The following SLC5A1 variants were observed in gnomAD, a reference collection of about 807,000 sequenced individuals.
The protein encoded by SLC5A1 is sodium/glucose cotransporter 1.
SLC5A1 carries 42 observed loss-of-function variants against 73.5 expected under a neutral mutation model. That is an observed-to-expected ratio of 0.57 (90% CI 0.45 to 0.74). SLC5A1 has a LOEUF of 0.74. SLC5A1 is among the 30% of genes least tolerant of loss of function. The pLI is 0.00. For missense variants in SLC5A1, 634 were observed against 855.4 expected, an observed-to-expected ratio of 0.74 and a Z score of 3.23; for synonymous variants, 300 against 317.4, an observed-to-expected ratio of 0.95 and a Z score of 0.58.
intron 2 of SLC5A1, among the ~76,000 whole-genome samples, chr22:32,060,199 ATT>A (rs200047863): frequency 8.0e-5 from 11 of 136,656 alleles, no homozygotes; most frequent in East Asian, 3.9e-4. Context: ...ATATATATAT[ATT>A]TTTTTAAGAG....
intron 2 of SLC5A1, among the ~76,000 whole-genome samples, chr22:32,060,266 A>G (rs529675901): frequency 6.6e-6 from 1 of 151,734 alleles, no homozygotes; most frequent in South Asian, 2.1e-4. Flanking sequence ...ATCTCGGCTC[A>G]CTGCAACCTC....
intron 7 of SLC5A1, 75 bp from the exon 8 acceptor site, chr22:32,084,364 A>T: frequency 7.5e-7 from 1 of 1,331,970 alleles, no homozygotes; most frequent in Non-Finnish European, 1.1e-6. Flanking sequence ...TCAGTTTCTC[A>T]GGCATCTATG....
Position 32,086,317 on chromosome 22 carries a change from C to T in SLC5A1, c.1119C>T (p.Leu373=). Residue 373 remains leucine, a synonymous_variant, in exon 10 of 15, where the codon CTC becomes CTT. Coordinates refer to ENST00000266088, the MANE Select transcript of SLC5A1 (RefSeq NM_000343.4). ...NIAYPTLVVE[L]MPNGLRGLML... ...CCTATCCAACCTTAGTGGTGGAGCTCATGCCCAATGGTGAGATTCTTTCTT... is the reference window on the plus strand; with the variant it reads ...CCTATCCAACCTTAGTGGTGGAGCTTATGCCCAATGGTGAGATTCTTTCTT... The T allele has an allele frequency of 6.2e-7, 1 of 1,608,870 alleles. No individual in the cohort carries two copies. The highest frequency in any genetic ancestry group is 8.5e-7 in the Non-Finnish European group (1 of 1,175,208).
At chr22:32,058,279 T>C (rs1011963109) in intron 2 of SLC5A1, among the ~76,000 whole-genome samples, 1 of 152,222 alleles carries the variant, frequency 6.6e-6, no homozygotes, top group African/African-American at 2.4e-5. Context: ...CCTAGCACTT[T>C]GGGAAGCCAA....
In SLC5A1 at chr22:32,111,570, G is replaced by A. The variant is rs974651842; in HGVS notation, c.*1357G>A. 4 of 152,164 alleles carry A rather than the reference G, an allele frequency of 2.6e-5. No homozygotes were observed. The highest frequency in any genetic ancestry group is 6.5e-5 in the Admixed American group (1 of 15,268). The allele number at this position is 152,164 out of a possible 1,614,324, so 9.4% of individuals were successfully genotyped here. A position where few individuals can be genotyped will look rare whatever the true frequency, so the allele number is the denominator to read the frequency against. On this transcript the variant is annotated 3_prime_UTR_variant, in exon 15 of 15. Transcript: ENST00000266088. ...AGAGTCTCCCGTGAAAAAGGTAAAC[G>A]GAAGCAGTTATTGTGCAGCAAAAGG...
At chr22:32,108,004 A>G (rs185898589) in intron 14 of SLC5A1, among the ~76,000 whole-genome samples, 1 of 152,310 alleles carries the variant, frequency 6.6e-6, no homozygotes, top group East Asian at 1.9e-4. Context: ...CATTTCAGCA[A>G]TGCATCATCC....
chr22:32,105,169 G>A (rs894834684), intron 14 of SLC5A1, among the ~76,000 whole-genome samples: 11 of 152,248 alleles, frequency 7.2e-5, no homozygotes, highest in South Asian at 6.2e-4. Context: ...TATGAGGTAC[G>A]TGAGATGTTC....
At position 32,083,173 on chromosome 22, in the gene SLC5A1, G is replaced by A. The variant is rs775033395; in HGVS notation, c.664+19G>A. 1 of 1,608,240 alleles carries A rather than the reference G, an allele frequency of 6.2e-7. No individual in the cohort carries two copies. On this transcript the variant is annotated intron_variant, in intron 7 of 14. Coordinates refer to ENST00000266088, the MANE Select transcript of SLC5A1 (RefSeq NM_000343.4). ...GGGTTTGGTAAGTGGGGCCAGGGCA[G>A]GCTGAGGAGGTGGGAGCAGAGGTAG... is the stretch of plus-strand genomic sequence containing the variant.
At position 32,067,000 on chromosome 22, in the gene SLC5A1, G is replaced by A. The variant is rs1569304550; in HGVS notation, c.273G>A (p.Gly91=). ...ACTTTGTGGGGCTGGCCGGGACTGG[G>A]GCAGCTTCAGGCATCGCCATTGGAG... The part of the protein sequence containing the change: ...SGHFVGLAGT[G]AASGIAIGGF... The change falls in exon 3 of 15, where the codon GGG becomes GGA. Residue 91 remains glycine (G), a synonymous_variant. Coordinates refer to ENST00000266088, the MANE Select transcript of SLC5A1 (RefSeq NM_000343.4). 6.2e-7 allele frequency: 1 copy of A among 1,613,642 alleles called. No individual in the cohort carries two copies. The highest frequency in any genetic ancestry group is 1.3e-5 in the African/African-American group (1 of 74,908).
intron 2 of SLC5A1, among the ~76,000 whole-genome samples, chr22:32,053,923 C>T (rs1197965241): frequency 6.6e-6 from 1 of 152,022 alleles, no homozygotes; most frequent in Non-Finnish European, 1.5e-5. Context: ...ACCAGTAATC[C>T]CAGCACTTTG....
intron 11 of SLC5A1, among the ~76,000 whole-genome samples, chr22:32,092,444 CT>C (rs573513690): frequency 4.6e-4 from 70 of 152,242 alleles, no homozygotes; most frequent in Non-Finnish European, 8.4e-4. Flanking sequence ...ATAACGACTT[CT>C]TTTCCTCTGG....
intron 11 of SLC5A1, among the ~76,000 whole-genome samples, chr22:32,095,450 C>T (rs1300654562): frequency 6.6e-6 from 1 of 152,058 alleles, no homozygotes; most frequent in Non-Finnish European, 1.5e-5. Context: ...TATTGAAGTC[C>T]TCCAGTATTA....
In SLC5A1 at chr22:32,043,317, G is replaced by A. The variant is rs148720069; in HGVS notation, c.36G>A (p.Ala12=). The A allele has an allele frequency of 8.9e-5, 144 of 1,614,080 alleles. 1 individual carries two copies. Among genetic ancestry groups the A allele is most frequent in the Admixed American group, 1.2e-4 (7 of 60,014 alleles). The part of the protein sequence containing the change: ...DSSTWSPKTT[A]VTRPVETHEL... Reference sequence around the variant, plus strand: ...GCACCTGGAGCCCCAAGACCACCGCGGTCACCCGGCCTGTTGAGACCCACG... The same window carrying A: ...GCACCTGGAGCCCCAAGACCACCGCAGTCACCCGGCCTGTTGAGACCCACG... The change falls in exon 1 of 15, where the codon GCG becomes GCA. Residue 12 remains alanine, a synonymous_variant. Transcript: ENST00000266088. The surrounding 1 kb of genome is among the most constrained non-coding windows in gnomAD (Gnocchi z 6.5).
At chr22:32,084,234 C>T (rs563816142) in intron 7 of SLC5A1, among the ~76,000 whole-genome samples, 9 of 152,364 alleles carry the variant, frequency 5.9e-5, no homozygotes, top group Admixed American at 5.2e-4. Flanking sequence ...ATAATAGCCC[C>T]CAAGGGGGCT....
In SLC5A1 at chr22:32,099,838, C is replaced by T. The variant is rs75750205; in HGVS notation, c.1449+487C>T. On this transcript the variant is annotated intron_variant, in intron 12 of 14. Coordinates refer to ENST00000266088, the MANE Select transcript of SLC5A1 (RefSeq NM_000343.4). ...TACCTCCAGTGCTCTACTGTGAACTCGGCTTTCCAGCCAGCACCTCTCAGG... is the reference window on the plus strand; with the variant it reads ...TACCTCCAGTGCTCTACTGTGAACTTGGCTTTCCAGCCAGCACCTCTCAGG... Among the ~76,000 whole-genome samples, 1,168 of 152,298 alleles carry T rather than the reference C, an allele frequency of 7.7e-3. 16 individuals are homozygous for T. Among genetic ancestry groups the T allele is most frequent in the African/African-American group, 0.026 (1,100 of 41,548 alleles).
intron 10 of SLC5A1, among the ~76,000 whole-genome samples, chr22:32,089,550 G>A (rs954670327): frequency 6.6e-6 from 1 of 152,134 alleles, no homozygotes; most frequent in Admixed American, 6.6e-5. Context: ...AGAGTTCAAG[G>A]GAACATGAGT....
Position 32,112,918 on chromosome 22 carries a change from A to G in SLC5A1, c.*2705A>G, listed in dbSNP as rs2094059949. 6.6e-6 allele frequency: 1 copy of G among 152,244 alleles called. No individual in the cohort carries two copies. The highest frequency in any genetic ancestry group is 6.5e-5 in the Admixed American group (1 of 15,286). The allele number at this position is 152,244 out of a possible 1,614,324, so 9.4% of individuals were successfully genotyped here. ...ATATGTGCAGTAATAGATGTTAATT[A>G]CCTTAATTTAGTCATTTCACAATAT... On this transcript the variant is annotated 3_prime_UTR_variant, in exon 15 of 15. Coordinates refer to ENST00000266088, the MANE Select transcript of SLC5A1 (RefSeq NM_000343.4).
At position 32,056,437 on chromosome 22, in the gene SLC5A1, C is replaced by CTTTT. The variant is rs35843263; in HGVS notation, c.207+6439_207+6442dup. Among the ~76,000 whole-genome samples the CTTTT allele has an allele frequency of 4.9e-3, 591 of 121,592 alleles. 18 individuals are homozygous for CTTTT. Among genetic ancestry groups the CTTTT allele is most frequent in the African/African-American group, 0.017 (553 of 32,942 alleles). 79.8% of individuals were successfully genotyped at this position (121,592 alleles called of 152,430 possible). A position where few individuals can be genotyped will look rare whatever the true frequency, so the allele number is the denominator to read the frequency against. The stretch of plus-strand genomic sequence containing the variant: ...AGGCAAACAATACATACCTTCCTGT[C>CTTTT]TTTTTTTTTTTTTTTTTTTAGCATA... On this transcript the variant is annotated intron_variant, in intron 2 of 14. Transcript: ENST00000266088.
At chr22:32,055,543 A>G (rs1018295146) in intron 2 of SLC5A1, among the ~76,000 whole-genome samples, 6 of 152,178 alleles carry the variant, frequency 3.9e-5, no homozygotes, top group Non-Finnish European at 5.9e-5. Context: ...TCCTGAGTTT[A>G]CAGTGGGATG....
Sources: allele counts gnomAD v4.1 joint callset (sites outside exome capture counted in the v4.1 genomes callset), GRCh38; gene constraint gnomAD v4.1.1; non-coding constraint Gnocchi (gnomAD v3.1); transcripts MANE v1.5; gene names NCBI Gene and HGNC (gene_info 2026-07-23, HGNC 2026-07-21).